Variants in CALN1 observed in about 807,000 individuals in gnomAD.
The protein encoded by CALN1 is calcium-binding protein 8.
Under a neutral mutation model 30.6 loss-of-function variants are expected in CALN1, and 17 were observed. The observed-to-expected ratio is 0.56, with a 90% confidence interval of 0.38 to 0.83. The LOEUF (loss-of-function observed/expected upper bound fraction) is 0.83. Ranked by LOEUF, CALN1 falls within the 40% of genes least tolerant of loss-of-function variation. CALN1 has a pLI of 0.00. For synonymous variants in CALN1, 156 were observed against 131.4 expected (o/e 1.19, Z -1.28); for missense variants, 291 against 354.9 (o/e 0.82, Z 1.45).
At chr7:72,376,690 T>G (rs1197856727) in intron 2 of CALN1, among the ~76,000 whole-genome samples, 3 of 152,230 alleles carry the variant, frequency 2.0e-5, no homozygotes, top group Admixed American at 2.0e-4. Flanking sequence ...GTCATTTGAT[T>G]CACATACGTT....
intron 4 of CALN1, among the ~76,000 whole-genome samples, chr7:72,028,285 C>A (rs549254827): frequency 4.5e-4 from 68 of 151,590 alleles, no homozygotes; most frequent in African/African-American, 1.6e-3. Context: ...ACCTCTGAAA[C>A]CTCGACTCAG....
At chr7:71,831,395 G>A (rs1419104849) in intron 5 of CALN1, among the ~76,000 whole-genome samples, 1 of 152,062 alleles carries the variant, frequency 6.6e-6, no homozygotes. Context: ...TAGGAGAATC[G>A]CTTGAACCCA....
chr7:72,049,100 C>T (rs1026359139), intron 4 of CALN1, among the ~76,000 whole-genome samples: 1 of 152,220 alleles, frequency 6.6e-6, no homozygotes, highest in South Asian at 2.1e-4. Context: ...TGAGCCACCG[C>T]ACCCAGCCAG....
At chr7:72,077,726 G>A (rs115187976) in intron 4 of CALN1, among the ~76,000 whole-genome samples, 1 of 152,214 alleles carries the variant, frequency 6.6e-6, no homozygotes, top group African/African-American at 2.4e-5. Context: ...GGGGACAAAT[G>A]ACACTGGTGA....
chr7:72,315,517 G>A (rs1483049705), intron 2 of CALN1, among the ~76,000 whole-genome samples: 1 of 151,940 alleles, frequency 6.6e-6, no homozygotes, highest in Non-Finnish European at 1.5e-5. Context: ...GACCAGCCTG[G>A]AAAACACAGC....
chr7:71,913,400 C>A (rs1197397740), intron 5 of CALN1, among the ~76,000 whole-genome samples: 1 of 152,060 alleles, frequency 6.6e-6, no homozygotes, highest in Non-Finnish European at 1.5e-5. Context: ...GGGCAGCAAC[C>A]CCTGAGGATA....
intron 5 of CALN1, among the ~76,000 whole-genome samples, chr7:72,002,377 C>G (rs890617922): frequency 7.2e-5 from 11 of 152,000 alleles, no homozygotes; most frequent in Admixed American, 7.2e-4. Flanking sequence ...AAATGTTGAC[C>G]ATCTCATATA....
rs193185238 is a variant in CALN1 at position 71,804,064 on chromosome 7, A to G, written c.658+6272T>C. On this transcript the variant is annotated intron_variant, in intron 6 of 6. Transcript: ENST00000395275. ...AAACCTTTCCCATCAAAAGTGCCACAATCTTTGGGGTCTTATTTTTTTTCT... is the reference window on the plus strand; with the variant it reads ...AAACCTTTCCCATCAAAAGTGCCACGATCTTTGGGGTCTTATTTTTTTTCT... Among the ~76,000 whole-genome samples, 16 of 152,254 alleles carry G rather than the reference A, an allele frequency of 1.1e-4. No homozygotes were observed. The East Asian group carries it at 2.7e-3, about 26-fold the overall frequency.
rs1474689000 is a variant in CALN1 at position 71,781,721 on chromosome 7, G to A, written c.*6054C>T. The A allele has an allele frequency of 6.6e-6, 1 of 152,124 alleles. No individual in the cohort carries two copies. Among genetic ancestry groups the A allele is most frequent in the African/African-American group, 2.4e-5 (1 of 41,410 alleles). 9.4% of individuals were successfully genotyped at this position (152,124 alleles called of 1,614,324 possible). A position where few individuals can be genotyped will look rare whatever the true frequency, so the allele number is the denominator to read the frequency against. On this transcript the variant is annotated 3_prime_UTR_variant, in exon 7 of 7. Transcript: ENST00000395275. Reference sequence around the variant, plus strand: ...CTTGGACAATAACTTCTAACAGTGCGAGAAACACTAGTTTGAAAGCCAACC... The same window carrying A: ...CTTGGACAATAACTTCTAACAGTGCAAGAAACACTAGTTTGAAAGCCAACC...
At chr7:72,237,831 G>T (rs1476812550) in intron 3 of CALN1, among the ~76,000 whole-genome samples, 1 of 152,172 alleles carries the variant, frequency 6.6e-6, no homozygotes, top group Non-Finnish European at 1.5e-5. Context: ...AGACATCAAG[G>T]GAATGAGGCA....
chr7:72,054,548 T>TATATAC (rs1803122975), intron 4 of CALN1, among the ~76,000 whole-genome samples: 6 of 134,228 alleles, frequency 4.5e-5, no homozygotes, highest in African/African-American at 1.7e-4. Context: ...TATATACATA[T>TATATAC]ATATATATAT....
At chr7:71,980,209 CAG>C (rs1406404694) in intron 5 of CALN1, among the ~76,000 whole-genome samples, 20 of 134,014 alleles carry the variant, frequency 1.5e-4, no homozygotes, top group Non-Finnish European at 2.5e-4. Context: ...TTTTTTGAGA[CAG>C]AGTCTCACTC....
chr7:72,115,003 C>T (rs1807867363), intron 3 of CALN1, among the ~76,000 whole-genome samples: 1 of 151,700 alleles, frequency 6.6e-6, no homozygotes, highest in South Asian at 2.1e-4. Flanking sequence ...GGGCATGCAA[C>T]AGGAGCTCAG....
At chr7:72,327,639 T>C (rs561590377) in intron 2 of CALN1, among the ~76,000 whole-genome samples, 1 of 152,356 alleles carries the variant, frequency 6.6e-6, no homozygotes. Context: ...TAACTTTTGA[T>C]AATGAAAAAG....
Position 72,359,292 on chromosome 7 carries a change from A to G in CALN1, c.119+43959T>C, listed in dbSNP as rs148200429. 3.3e-3 allele frequency among the ~76,000 whole-genome samples: 496 copies of G among 152,272 alleles called. 3 individuals carry two copies. Among genetic ancestry groups the G allele is most frequent in the African/African-American group, 0.011 (443 of 41,546 alleles). On this transcript the variant is annotated intron_variant, in intron 2 of 6. Coordinates refer to ENST00000395275, the MANE Select transcript of CALN1 (RefSeq NM_031468.4). ...TTTCTGAGTCCCATCACACGGTTCA[A>G]TATTCCAATGTGAAAAACAATATTC...
chr7:72,353,168 T>C (rs1333141911), intron 2 of CALN1, among the ~76,000 whole-genome samples: 1 of 152,134 alleles, frequency 6.6e-6, no homozygotes, highest in Non-Finnish European at 1.5e-5. Flanking sequence ...ATTCTAACAT[T>C]TAATGAAGCG....
intron 5 of CALN1, among the ~76,000 whole-genome samples, chr7:71,996,543 C>T (rs1277786899): frequency 1.3e-5 from 2 of 152,180 alleles, no homozygotes; most frequent in African/African-American, 4.8e-5. Flanking sequence ...CCAGCTATGT[C>T]CCTGCAAAGG....
At chr7:72,352,708 A>C (rs2129559378) in intron 2 of CALN1, among the ~76,000 whole-genome samples, 1 of 152,250 alleles carries the variant, frequency 6.6e-6, no homozygotes, top group East Asian at 1.9e-4. Context: ...GTTTAAAGCC[A>C]ATGTTTTAAG....
chr7:72,011,416 G>A (rs2129529249), intron 5 of CALN1, among the ~76,000 whole-genome samples: 1 of 152,118 alleles, frequency 6.6e-6, no homozygotes, highest in Non-Finnish European at 1.5e-5. Context: ...CTGCGCTGTG[G>A]GTCAAGAGCA....
Sources: gnomAD v4.1 joint callset for allele counts (sites outside exome capture counted in the v4.1 genomes callset) on GRCh38, gnomAD v4.1.1 for gene constraint, MANE v1.5 for transcripts, NCBI Gene and HGNC (gene_info 2026-07-23, HGNC 2026-07-21) for gene names.